Variants in KCNN2 observed in about 807,000 individuals in gnomAD.
KCNN2 encodes the protein potassium calcium-activated channel subfamily N member 2.
In KCNN2, 24 loss-of-function variants were observed where a neutral mutation model predicts 55.5. The observed-to-expected ratio is 0.43, with a 90% CI of 0.31 to 0.61. KCNN2 has a LOEUF of 0.61. Among genes scored for constraint, KCNN2 ranks in the 20% least tolerant of loss-of-function variants. The pLI is 0.08. For missense variants in KCNN2, 754 were observed against 853.6 expected (o/e 0.88, Z 1.45); for synonymous variants, 431 against 336.1 (o/e 1.28, Z -3.09).
intron 3 of KCNN2, among the ~76,000 whole-genome samples, chr5:114,462,268 T>C (rs890999576): frequency 4.6e-5 from 7 of 152,226 alleles, no homozygotes; most frequent in African/African-American, 7.2e-5. Context: ...GTTTCTGATA[T>C]AAAAGCTTTC....
intron 1 of KCNN2, among the ~76,000 whole-genome samples, chr5:114,069,672 C>T (rs1414536304): frequency 6.6e-6 from 1 of 152,186 alleles, no homozygotes; most frequent in Admixed American, 6.5e-5. Context: ...GGCCCGTTGA[C>T]TACCTATGAT....
intron 1 of KCNN2, among the ~76,000 whole-genome samples, chr5:114,203,654 C>T (rs1753717493): frequency 6.6e-6 from 1 of 152,192 alleles, no homozygotes; most frequent in Non-Finnish European, 1.5e-5. Flanking sequence ...AGGTGGACCT[C>T]ATCCCTGGGC....
intron 2 of KCNN2, among the ~76,000 whole-genome samples, chr5:114,353,892 C>T (rs1757254374): frequency 6.6e-6 from 1 of 151,746 alleles, no homozygotes; most frequent in Non-Finnish European, 1.5e-5. Flanking sequence ...TATGCTGTTT[C>T]TGGGTATGGA....
intron 1 of KCNN2, among the ~76,000 whole-genome samples, chr5:114,091,103 G>A (rs955237314): frequency 1.3e-5 from 2 of 152,144 alleles, no homozygotes; most frequent in Non-Finnish European, 2.9e-5. Flanking sequence ...GCCTTCCAAT[G>A]TGCTGGGATT....
At chr5:114,069,826 G>GGATTAGAGATGGAA (rs1369100066) in intron 1 of KCNN2, among the ~76,000 whole-genome samples, 1 of 152,142 alleles carries the variant, frequency 6.6e-6, no homozygotes, top group Non-Finnish European at 1.5e-5. Flanking sequence ...GTTAATCTCA[G>GGATTAGAGATGGAA]CTAAAGGTTA....
chr5:114,279,420 A>C (rs1255651005), intron 2 of KCNN2, among the ~76,000 whole-genome samples: 1 of 152,116 alleles, frequency 6.6e-6, no homozygotes, highest in African/African-American at 2.4e-5. Flanking sequence ...GATTTACATT[A>C]GGTATATCTC....
At chr5:114,462,802 C>T (rs540435504) in intron 3 of KCNN2, among the ~76,000 whole-genome samples, 52 of 152,318 alleles carry the variant, frequency 3.4e-4, no homozygotes, top group Non-Finnish European at 7.3e-4. Context: ...TATCATCTTA[C>T]ACCAGTGAGG....
intron 1 of KCNN2, among the ~76,000 whole-genome samples, chr5:114,189,910 A>C (rs1325620938): frequency 1.3e-5 from 2 of 152,154 alleles, no homozygotes; most frequent in African/African-American, 2.4e-5. Flanking sequence ...ACCTCATAGC[A>C]CACACCAAAA....
chr5:114,057,611 T>A, intron 1 of KCNN2, among the ~76,000 whole-genome samples: 1 of 152,076 alleles, frequency 6.6e-6, no homozygotes. Context: ...AGACTATGTA[T>A]CAATAAACAA....
intron 3 of KCNN2, among the ~76,000 whole-genome samples, chr5:114,409,215 G>GA (rs149279826): frequency 3.3e-5 from 5 of 151,232 alleles, no homozygotes; most frequent in African/African-American, 9.7e-5. Flanking sequence ...ATGTGTAAAA[G>GA]AAAAAAAAAT....
In KCNN2 at chr5:114,074,293, CGTGTGTGTGT is replaced by C. The variant is rs371882287; in HGVS notation, c.-271+17821_-271+17830del. On this transcript the variant is annotated intron_variant, in intron 1 of 10. Coordinates refer to the KCNN2 transcript ENST00000512097. Reference sequence around the variant, plus strand: ...TTATGAATTTTAAAGGCCATGTTTGCGTGTGTGTGTGTGTGTGTGTGTGTGTGTGTGTGTG... The same window carrying C: ...TTATGAATTTTAAAGGCCATGTTTGCGTGTGTGTGTGTGTGTGTGTGTGTG... 1.3e-3 allele frequency among the ~76,000 whole-genome samples: 185 copies of C among 144,600 alleles called. 1 individual carries two copies. Among genetic ancestry groups the C allele is most frequent in the African/African-American group, 4.5e-3 (173 of 38,308 alleles). The allele number at this position is 144,600 out of a possible 152,430, so 94.9% of individuals were successfully genotyped here.
At chr5:114,486,323 A>G (rs1747524167) in intron 5 of KCNN2, among the ~76,000 whole-genome samples, 1 of 152,188 alleles carries the variant, frequency 6.6e-6, no homozygotes, top group Non-Finnish European at 1.5e-5. Context: ...CTGGCCCTTT[A>G]TCAGCTCCCA....
exon 2 of KCNN2, among the ~76,000 whole-genome samples, chr5:114,221,505 G>A (rs897976631): frequency 6.6e-6 from 1 of 152,152 alleles, no homozygotes; most frequent in Non-Finnish European, 1.5e-5. Context: ...ACTACAAAAG[G>A]ATGGACTCCA....
At position 114,485,726 on chromosome 5, in the gene KCNN2, CAG is replaced by C. The variant is rs1199610106; in HGVS notation, c.1891-1321_1891-1320del. ...TATCCAAAGGCAGTGCATTACAAAC[CAG>C]AGTCACTCCTAAAAGAAGCTTTACT... On this transcript the variant is annotated intron_variant, in intron 5 of 7. Transcript: ENST00000673685. Among the ~76,000 whole-genome samples the C allele has an allele frequency of 2.0e-5, 3 of 152,258 alleles. No homozygotes were observed. The South Asian group carries it at 6.2e-4, about 32-fold the overall frequency.
chr5:114,207,165 G>A (rs953702972), intron 1 of KCNN2, among the ~76,000 whole-genome samples: 6 of 151,918 alleles, frequency 3.9e-5, no homozygotes, highest in African/African-American at 1.5e-4. Flanking sequence ...CTTGTTTTGG[G>A]GTGTATTAGA....
At chr5:114,447,463 G>C (rs544526108) in intron 3 of KCNN2, among the ~76,000 whole-genome samples, 1 of 152,374 alleles carries the variant, frequency 6.6e-6, no homozygotes, top group Non-Finnish European at 1.5e-5. Context: ...AACAGAGGTA[G>C]AATTTAAGAA....
intron 2 of KCNN2, among the ~76,000 whole-genome samples, chr5:114,290,861 G>A (rs1358657935): frequency 6.6e-6 from 1 of 152,064 alleles, no homozygotes; most frequent in African/African-American, 2.4e-5. Flanking sequence ...TTGTTTCAGA[G>A]TGTGTAGTTT....
At chr5:114,066,133 G>A (rs1750444979) in intron 1 of KCNN2, among the ~76,000 whole-genome samples, 2 of 152,128 alleles carry the variant, frequency 1.3e-5, no homozygotes, top group African/African-American at 2.4e-5. Flanking sequence ...CAATCAACTT[G>A]GGTTAGCTCG....
At chr5:114,134,829 A>G (rs1752142587) in intron 1 of KCNN2, among the ~76,000 whole-genome samples, 1 of 152,172 alleles carries the variant, frequency 6.6e-6, no homozygotes, top group Admixed American at 6.5e-5. Flanking sequence ...TGCTGAACAG[A>G]AGGAGAGCCA....
Sources: gnomAD v4.1 joint callset for allele counts (sites outside exome capture counted in the v4.1 genomes callset) on GRCh38, gnomAD v4.1.1 for gene constraint, MANE v1.5 for transcripts, NCBI Gene and HGNC (gene_info 2026-07-23, HGNC 2026-07-21) for gene names.